PRICKLE2: variants seen among roughly 807,000 people sequenced by gnomAD.
PRICKLE2 encodes the protein prickle-like protein 2.
Under a neutral mutation model 81.4 loss-of-function variants are expected in PRICKLE2, and 21 were observed. The ratio of observed to expected loss-of-function variants is 0.26; its 90% CI spans 0.18 to 0.37. The LOEUF is 0.37. PRICKLE2 is among the 10% of genes least tolerant of loss of function. The probability of loss-of-function intolerance (pLI) is 1.00; values close to 1 mark genes in which losing one functional copy is unlikely to be tolerated. For synonymous variants in PRICKLE2, 456 were observed against 421.5 expected, an observed-to-expected ratio of 1.08 and a Z score of -1.00; for missense variants, 940 against 1,109.0, an observed-to-expected ratio of 0.85 and a Z score of 2.16.
chr3:64,212,105 T>C (rs532852551), intron 1 of PRICKLE2, among the ~76,000 whole-genome samples: 1 of 152,342 alleles, frequency 6.6e-6, no homozygotes, highest in East Asian at 1.9e-4. Context: ...GCTTGGCCAC[T>C]GATGGTGTCT....
At chr3:64,212,141 C>A (rs1219091426) in intron 1 of PRICKLE2, among the ~76,000 whole-genome samples, 1 of 152,178 alleles carries the variant, frequency 6.6e-6, no homozygotes, top group Non-Finnish European at 1.5e-5. Context: ...TACCTGCATC[C>A]CCACATCACT....
intron 2 of PRICKLE2, among the ~76,000 whole-genome samples, chr3:64,255,076 C>T (rs1279006631): frequency 6.6e-6 from 1 of 152,158 alleles, no homozygotes; most frequent in Non-Finnish European, 1.5e-5. Context: ...CCCACATTTT[C>T]CCATTTAGGA....
At chr3:64,125,630 T>C (rs1317673540) in intron 7 of PRICKLE2, among the ~76,000 whole-genome samples, 2 of 152,234 alleles carry the variant, frequency 1.3e-5, no homozygotes, top group Non-Finnish European at 2.9e-5. Flanking sequence ...CAGCACTTTC[T>C]AGTAATAAAG....
chr3:64,258,845 A>AAAGAAAGAAAG (rs1553663504), intron 2 of PRICKLE2, among the ~76,000 whole-genome samples: 1,364 of 33,428 alleles, frequency 0.041, 9 homozygotes, highest in Non-Finnish European at 0.052. Context: ...AAAAAAAAAA[A>AAAGAAAGAAAG]AAAGAAAGAA....
intron 1 of PRICKLE2, chr3:64,200,615 C>T (rs888875030): frequency 6.6e-6 from 1 of 151,798 alleles, no homozygotes; most frequent in Non-Finnish European, 1.5e-5. Flanking sequence ...TGCCACCACG[C>T]CTGGCTTTTT....
chr3:64,127,659 A>T (rs183575596), intron 7 of PRICKLE2, among the ~76,000 whole-genome samples: 66 of 152,046 alleles, frequency 4.3e-4, no homozygotes, highest in African/African-American at 1.5e-3. Context: ...CAGGTGCAAA[A>T]GCAAGACTGT....
chr3:64,207,025 G>A (rs2078699148), intron 1 of PRICKLE2, among the ~76,000 whole-genome samples: 2 of 151,666 alleles, frequency 1.3e-5, no homozygotes, highest in South Asian at 4.2e-4. Flanking sequence ...TCAGCCTCCT[G>A]AGAAGCTGGG....
At chr3:64,143,245 T>G (rs1372133227) in intron 7 of PRICKLE2, among the ~76,000 whole-genome samples, 1 of 152,182 alleles carries the variant, frequency 6.6e-6, no homozygotes, top group African/African-American at 2.4e-5. Flanking sequence ...CCTGAAATTT[T>G]AATTTCATTT....
intron 2 of PRICKLE2, among the ~76,000 whole-genome samples, chr3:64,238,809 C>G (rs967936162): frequency 6.6e-6 from 1 of 152,194 alleles, no homozygotes; most frequent in African/African-American, 2.4e-5. Context: ...GCCAAACATA[C>G]AGCAGGTGCT....
chr3:64,185,063 C>T (rs1278263707), intron 2 of PRICKLE2, among the ~76,000 whole-genome samples: 1 of 152,180 alleles, frequency 6.6e-6, no homozygotes, highest in Non-Finnish European at 1.5e-5. Context: ...GACTATAATA[C>T]AAGCCCAAAT....
chr3:64,239,946 C>A (rs573855087), intron 2 of PRICKLE2, among the ~76,000 whole-genome samples: 1 of 119,420 alleles, frequency 8.4e-6, no homozygotes, highest in African/African-American at 3.6e-5. Flanking sequence ...AAAACCCCAT[C>A]GCTACCAAAA....
chr3:64,262,950 C>T (rs755846143), intron 2 of PRICKLE2, among the ~76,000 whole-genome samples: 1 of 152,128 alleles, frequency 6.6e-6, no homozygotes, highest in Non-Finnish European at 1.5e-5. Flanking sequence ...CAAGTGTGTT[C>T]TGTGGCACAT....
chr3:64,126,491 C>A (rs57859861), intron 7 of PRICKLE2, among the ~76,000 whole-genome samples: 4 of 152,178 alleles, frequency 2.6e-5, no homozygotes, highest in African/African-American at 9.6e-5. Context: ...AAATGGTCAT[C>A]GAGACTGACC....
At chr3:64,237,732 C>A (rs1000259414) in intron 2 of PRICKLE2, among the ~76,000 whole-genome samples, 37 of 151,854 alleles carry the variant, frequency 2.4e-4, no homozygotes, top group Admixed American at 2.2e-3. Context: ...GGGGCCCCAC[C>A]CTTTTCTGCC....
chr3:64,264,398 C>G (rs114507495), intron 2 of PRICKLE2, among the ~76,000 whole-genome samples: 1,620 of 152,274 alleles, frequency 0.011, 28 homozygotes, highest in African/African-American at 0.037. Context: ...ATACTACAGA[C>G]CTATGAAATA....
intron 7 of PRICKLE2, among the ~76,000 whole-genome samples, chr3:64,110,301 C>T (rs1482350395): frequency 1.3e-5 from 2 of 152,140 alleles, no homozygotes; most frequent in African/African-American, 2.4e-5. Context: ...TACAGGAGGA[C>T]AAAAGCTAAA....
At chr3:64,108,148 CTGTA>C (rs2106948415) in intron 7 of PRICKLE2, among the ~76,000 whole-genome samples, 1 of 152,304 alleles carries the variant, frequency 6.6e-6, no homozygotes, top group South Asian at 2.1e-4. Context: ...TTGTGACAGA[CTGTA>C]TGACCTGCAA....
intron 2 of PRICKLE2, among the ~76,000 whole-genome samples, chr3:64,248,895 G>A (rs987466759): frequency 2.6e-5 from 4 of 152,096 alleles, no homozygotes; most frequent in Non-Finnish European, 5.9e-5. Flanking sequence ...TAACTCTTAA[G>A]GGAAATTCTT....
At chr3:64,259,438 C>A (rs899799037) in intron 2 of PRICKLE2, among the ~76,000 whole-genome samples, 7 of 152,126 alleles carry the variant, frequency 4.6e-5, no homozygotes, top group Admixed American at 2.0e-4. Flanking sequence ...GCTGCCTCTT[C>A]CTGGGACCGA....
Sources: gnomAD v4.1 joint callset for allele counts (sites outside exome capture counted in the v4.1 genomes callset) on GRCh38, gnomAD v4.1.1 for gene constraint, MANE v1.5 for transcripts, NCBI Gene and HGNC (gene_info 2026-07-23, HGNC 2026-07-21) for gene names.